Variants in STXBP5 observed in about 807,000 individuals in gnomAD.
The protein encoded by STXBP5 is syntaxin binding protein 5, also known as syntaxin-binding protein 5.
A neutral mutation model predicts 152.4 loss-of-function variants in STXBP5; 50 were observed. The ratio of observed to expected loss-of-function variants is 0.33; its 90% CI spans 0.26 to 0.42. The LOEUF (loss-of-function observed/expected upper bound fraction) is 0.42, where lower values mean the gene tolerates loss of function less well. STXBP5 is among the 10% of genes least tolerant of loss of function. The pLI is 1.00. For missense variants in STXBP5, 1,167 were observed against 1,388.6 expected, an observed-to-expected ratio of 0.84 and a Z score of 2.54; for synonymous variants, 492 against 494.7, an observed-to-expected ratio of 0.99 and a Z score of 0.07.
chr6:147,354,597 CTAGT>C (rs1431229401), intron 22 of STXBP5, among the ~76,000 whole-genome samples: 6 of 152,046 alleles, frequency 3.9e-5, no homozygotes, highest in Admixed American at 3.3e-4. Context: ...TTAAATATTA[CTAGT>C]TAAAGTGGCT....
chr6:147,213,477 T>TGTGTGTGTGTGTGTGTGTGTGCGCGC, intron 2 of STXBP5, among the ~76,000 whole-genome samples: 11 of 131,326 alleles, frequency 8.4e-5, no homozygotes, highest in Middle Eastern at 7.8e-3. Flanking sequence ...TGTGTGTGTG[T>TGTGTGTGTGTGTGTGTGTGTGCGCGC]GCGCGCGCAT....
At chr6:147,206,532 A>G (rs1171921262) in intron 2 of STXBP5, among the ~76,000 whole-genome samples, 2 of 152,100 alleles carry the variant, frequency 1.3e-5, no homozygotes, top group East Asian at 1.9e-4. Context: ...CCGTGTAGAA[A>G]AACAATTAGC....
chr6:147,302,330 C>T (rs1435954523), intron 9 of STXBP5, among the ~76,000 whole-genome samples: 1 of 152,022 alleles, frequency 6.6e-6, no homozygotes, highest in Non-Finnish European at 1.5e-5. Context: ...CAGGCACACA[C>T]CTACAAAAAG....
At chr6:147,264,284 GT>G (rs1779780906) in intron 6 of STXBP5, among the ~76,000 whole-genome samples, 1 of 152,056 alleles carries the variant, frequency 6.6e-6, no homozygotes, top group African/African-American at 2.4e-5. Flanking sequence ...GCCAAGGAAG[GT>G]TAGACATTAG....
intron 1 of STXBP5, among the ~76,000 whole-genome samples, chr6:147,205,371 C>CGCATAT (rs1412110713): frequency 1.4e-5 from 2 of 141,862 alleles, no homozygotes; most frequent in Non-Finnish European, 3.1e-5. Flanking sequence ...TAAAAGTGTG[C>CGCATAT]ATATATATAT....
intron 8 of STXBP5, among the ~76,000 whole-genome samples, chr6:147,285,678 C>T (rs1228669746): frequency 2.6e-5 from 4 of 152,000 alleles, no homozygotes; most frequent in South Asian, 2.1e-4. Context: ...CACAATAGAG[C>T]AATATCAAGG....
In STXBP5 at chr6:147,316,331, C is replaced by G; in HGVS notation, c.1726C>G (p.Pro576Ala). The G allele has an allele frequency of 6.2e-7, 1 of 1,612,984 alleles. No homozygotes were observed. The highest frequency in any genetic ancestry group is 8.5e-7 in the Non-Finnish European group (1 of 1,179,560). ...ACCCGTGGGAGGGTCCAACCCTCAGCCCATCCCTCCTCAGTCTCATCCATC... is the reference window on the plus strand; with the variant it reads ...ACCCGTGGGAGGGTCCAACCCTCAGGCCATCCCTCCTCAGTCTCATCCATC... ...PTPVGGSNPQ[P>A]IPPQSHPSTS... The change falls in exon 16 of 28, where the codon CCC (proline) becomes GCC (alanine). Residue 576 changes from proline to alanine, a missense_variant. Coordinates refer to ENST00000321680, the MANE Select transcript of STXBP5 (RefSeq NM_001127715.4).
chr6:147,211,816 A>G (rs943803027), intron 2 of STXBP5, among the ~76,000 whole-genome samples: 5 of 151,226 alleles, frequency 3.3e-5, no homozygotes, highest in African/African-American at 7.3e-5. Context: ...CCTGAGTTCA[A>G]CCTCCCAAAA....
chr6:147,382,060 G>C (rs1043383847), intron 26 of STXBP5, among the ~76,000 whole-genome samples: 2 of 152,090 alleles, frequency 1.3e-5, no homozygotes, highest in African/African-American at 4.8e-5. Flanking sequence ...AAAAAGGAAA[G>C]AAAGAAATGT....
chr6:147,219,663 A>T lies in STXBP5; in HGVS notation c.248+13595A>T, dbSNP rs116780347. The stretch of plus-strand genomic sequence containing the variant: ...GGTCCATTTCATCTGTGTCATCAAA[A>T]TTGTGGGCATAGATTTGTTTTTAGT... On this transcript the variant is annotated intron_variant, in intron 2 of 27. Coordinates refer to ENST00000321680, the MANE Select transcript of STXBP5 (RefSeq NM_001127715.4). Among the ~76,000 whole-genome samples the T allele has an allele frequency of 2.0e-3, 301 of 152,168 alleles. 1 individual carries two copies. Among genetic ancestry groups the T allele is most frequent in the African/African-American group, 6.9e-3 (287 of 41,528 alleles).
intron 2 of STXBP5, among the ~76,000 whole-genome samples, chr6:147,226,997 C>A (rs1388241303): frequency 2.0e-5 from 3 of 152,122 alleles, no homozygotes; most frequent in African/African-American, 4.8e-5. Context: ...CCACACAAGT[C>A]TGTGTAGTAG....
At chr6:147,328,201 T>C (rs1035456139) in intron 18 of STXBP5, among the ~76,000 whole-genome samples, 1 of 152,210 alleles carries the variant, frequency 6.6e-6, no homozygotes, top group Non-Finnish European at 1.5e-5. Flanking sequence ...CACAAAAAGA[T>C]GGCATTTGAT....
At chr6:147,220,925 C>A (rs1777426656) in intron 2 of STXBP5, among the ~76,000 whole-genome samples, 1 of 152,068 alleles carries the variant, frequency 6.6e-6, no homozygotes, top group East Asian at 1.9e-4. Flanking sequence ...CTATTTGTTG[C>A]CCTTGTTTTT....
At chr6:147,246,008 G>T (rs543924937) in intron 4 of STXBP5, among the ~76,000 whole-genome samples, 361 of 152,228 alleles carry the variant, frequency 2.4e-3, no homozygotes, top group African/African-American at 8.1e-3. Context: ...GATTTGTTTT[G>T]GCAGCTCTAG....
chr6:147,296,601 A>C (rs1781538016), intron 9 of STXBP5, among the ~76,000 whole-genome samples: 1 of 152,220 alleles, frequency 6.6e-6, no homozygotes, highest in African/African-American at 2.4e-5. Flanking sequence ...TCCCCAGAGG[A>C]ACACAATAAT....
At position 147,204,732 on chromosome 6, in the gene STXBP5, G is replaced by T. The variant is rs779184684; in HGVS notation, c.150+50G>T. 1 of 1,509,252 alleles carries T rather than the reference G, an allele frequency of 6.6e-7. No individual in the cohort carries two copies. The highest frequency in any genetic ancestry group is 8.9e-7 in the Non-Finnish European group (1 of 1,125,740). 93.5% of individuals were successfully genotyped at this position (1,509,252 alleles called of 1,614,324 possible). A position where few individuals can be genotyped will look rare whatever the true frequency, so the allele number is the denominator to read the frequency against. ...ACACCGTCATTGAAAAATTGGGGTT[G>T]TTTTAAGGGGGCTACTCGGGCTTTA... is the stretch of plus-strand genomic sequence containing the variant. On this transcript the variant is annotated intron_variant, in intron 1 of 27. Transcript: ENST00000321680. This position sits in a 1 kb window ranked among gnomAD's most constrained non-coding sequence, Gnocchi z 4.3.
rs543699354 is a variant in STXBP5, at chr6:147,305,186, A to G, written c.918-4898A>G. 7.2e-5 allele frequency among the ~76,000 whole-genome samples: 11 copies of G among 152,322 alleles called. No homozygotes were observed. In the South Asian group the frequency reaches 2.3e-3, roughly 32 times the overall value. ...TGTAGACACTTGAATGCCACTTGAC[A>G]TTGTTGCAGCATTTACATACGTATT... On this transcript the variant is annotated intron_variant, in intron 9 of 27. Coordinates refer to ENST00000321680, the MANE Select transcript of STXBP5 (RefSeq NM_001127715.4).
At chr6:147,361,181 T>C (rs1359652002) in intron 23 of STXBP5, among the ~76,000 whole-genome samples, 1 of 152,154 alleles carries the variant, frequency 6.6e-6, no homozygotes, top group South Asian at 2.1e-4. Flanking sequence ...TTGGGGTTAC[T>C]TTTATTTTCA....
intron 7 of STXBP5, among the ~76,000 whole-genome samples, chr6:147,271,711 C>A (rs555397193): frequency 6.6e-6 from 1 of 152,072 alleles, no homozygotes; most frequent in South Asian, 2.1e-4. Context: ...TCAGCTTTCA[C>A]CACAAGAAAC....
Sources: gnomAD v4.1 joint callset for allele counts (sites outside exome capture counted in the v4.1 genomes callset) on GRCh38, gnomAD v4.1.1 for gene constraint, Gnocchi (gnomAD v3.1) non-coding constraint, MANE v1.5 for transcripts, NCBI Gene and HGNC (gene_info 2026-07-23, HGNC 2026-07-21) for gene names.